The following STXBP6 variants were observed in gnomAD, a reference collection of about 807,000 sequenced individuals.
STXBP6 encodes the protein syntaxin-binding protein 6.
Under a neutral mutation model 26.9 loss-of-function variants are expected in STXBP6, and 21 were observed. The observed-to-expected ratio is 0.78, with a 90% confidence interval of 0.55 to 1.12. The LOEUF (loss-of-function observed/expected upper bound fraction) is 1.12, where lower values mean the gene tolerates loss of function less well. Ranked by LOEUF, STXBP6 falls within the 50% of genes most tolerant of loss-of-function variation. The pLI is 0.00. For synonymous variants in STXBP6, 97 were observed against 92.6 expected (o/e 1.05, Z -0.27); for missense variants, 232 against 257.9 (o/e 0.90, Z 0.69).
intron 4 of STXBP6, among the ~76,000 whole-genome samples, chr14:24,836,469 G>A (rs191860294): frequency 0.012 from 1,895 of 151,670 alleles, 17 homozygotes; most frequent in Non-Finnish European, 0.02. Flanking sequence ...GTGGTGGCGG[G>A]TGCCTGTAAT....
chr14:24,933,170 G>A (rs978174531), intron 2 of STXBP6, among the ~76,000 whole-genome samples: 17 of 152,072 alleles, frequency 1.1e-4, no homozygotes, highest in Non-Finnish European at 1.9e-4. Flanking sequence ...GTGACACCCT[G>A]TCCCTATAAA....
chr14:24,850,848 C>T (rs896357994), intron 4 of STXBP6, among the ~76,000 whole-genome samples: 1 of 152,032 alleles, frequency 6.6e-6, no homozygotes, highest in Non-Finnish European at 1.5e-5. Flanking sequence ...CTAGGGTATT[C>T]GGGCTCAGAG....
chr14:24,995,145 CA>C (rs1163094729), intron 1 of STXBP6, among the ~76,000 whole-genome samples: 1 of 152,072 alleles, frequency 6.6e-6, no homozygotes, highest in Non-Finnish European at 1.5e-5. Flanking sequence ...TGCTGTCTGA[CA>C]AAGACCCATT....
chr14:24,824,378 C>G (rs2068223975), intron 4 of STXBP6, among the ~76,000 whole-genome samples: 1 of 152,142 alleles, frequency 6.6e-6, no homozygotes, highest in Admixed American at 6.6e-5. Flanking sequence ...AGTACTGTGA[C>G]TGTCACTAAA....
intron 2 of STXBP6, among the ~76,000 whole-genome samples, chr14:24,873,469 A>G (rs540818969): frequency 2.9e-4 from 44 of 152,210 alleles, no homozygotes; most frequent in Non-Finnish European, 5.4e-4. Context: ...TCACTCTCTC[A>G]TGTGTCCCAA....
chr14:24,906,616 T>C lies in STXBP6; in HGVS notation c.155-49459A>G, dbSNP rs530304072. 4.6e-5 allele frequency among the ~76,000 whole-genome samples: 7 copies of C among 152,328 alleles called. No individual in the cohort carries two copies. In the South Asian group the frequency reaches 1.2e-3, roughly 27 times the overall value. On this transcript the variant is annotated intron_variant, in intron 2 of 5. Transcript: ENST00000323944. ...TTTGTTATGAAATCTAACCTGAGAATGCGACATGCATAACAAATTTTCATT... is the reference window on the plus strand; with the variant it reads ...TTTGTTATGAAATCTAACCTGAGAACGCGACATGCATAACAAATTTTCATT...
intron 1 of STXBP6, among the ~76,000 whole-genome samples, chr14:25,032,006 G>T (rs1438649539): frequency 6.6e-6 from 1 of 152,054 alleles, no homozygotes; most frequent in Non-Finnish European, 1.5e-5. Flanking sequence ...AAATACAGAA[G>T]AAATATGGTG....
intron 4 of STXBP6, among the ~76,000 whole-genome samples, chr14:24,842,739 G>A (rs1356013962): frequency 6.6e-6 from 1 of 151,152 alleles, no homozygotes; most frequent in African/African-American, 2.4e-5. Context: ...CTCACTACCT[G>A]AAATTAGATA....
intron 2 of STXBP6, among the ~76,000 whole-genome samples, chr14:24,926,337 A>T (rs529522356): frequency 1.5e-5 from 2 of 133,470 alleles, no homozygotes; most frequent in South Asian, 5.1e-4. Context: ...ACTTTCTGAA[A>T]CCGCTTTTCC....
At chr14:24,985,017 G>A (rs1266388707) in intron 1 of STXBP6, among the ~76,000 whole-genome samples, 1 of 152,146 alleles carries the variant, frequency 6.6e-6, no homozygotes. Flanking sequence ...TTTTGCCTCT[G>A]GCCACATTTT....
chr14:24,867,058 G>T (rs2069749220), intron 2 of STXBP6, among the ~76,000 whole-genome samples: 2 of 152,092 alleles, frequency 1.3e-5, no homozygotes. Flanking sequence ...CAAAATTCAT[G>T]TTAAAACTTA....
At chr14:24,983,102 T>C (rs1452500957) in intron 1 of STXBP6, among the ~76,000 whole-genome samples, 4 of 152,148 alleles carry the variant, frequency 2.6e-5, no homozygotes, top group Admixed American at 2.0e-4. Flanking sequence ...TAAAGAATCA[T>C]AGTGAAGGCC....
At chr14:24,839,982 C>T (rs1343760811) in intron 4 of STXBP6, among the ~76,000 whole-genome samples, 2 of 152,182 alleles carry the variant, frequency 1.3e-5, no homozygotes, top group African/African-American at 2.4e-5. Context: ...TTACTGACTC[C>T]TTATCATGTG....
chr14:25,013,267 T>C (rs1295841343), intron 1 of STXBP6, among the ~76,000 whole-genome samples: 1 of 152,148 alleles, frequency 6.6e-6, no homozygotes, highest in African/African-American at 2.4e-5. Context: ...ATGGAAAGAA[T>C]CGAACATTTT....
intron 2 of STXBP6, among the ~76,000 whole-genome samples, chr14:24,940,563 G>C (rs1272941102): frequency 6.6e-6 from 1 of 152,170 alleles, no homozygotes; most frequent in Non-Finnish European, 1.5e-5. Flanking sequence ...GCTGACTGCA[G>C]ACTGATAAGA....
intron 1 of STXBP6, among the ~76,000 whole-genome samples, chr14:24,982,882 T>C (rs1395355799): frequency 6.6e-6 from 1 of 152,218 alleles, no homozygotes; most frequent in Non-Finnish European, 1.5e-5. Flanking sequence ...ACAAATGATA[T>C]GACAAAGCCA....
chr14:24,983,752 T>C (rs2074258367), intron 1 of STXBP6, among the ~76,000 whole-genome samples: 1 of 152,210 alleles, frequency 6.6e-6, no homozygotes, highest in Non-Finnish European at 1.5e-5. Flanking sequence ...AAGCTTTAGG[T>C]AAATTTTAAG....
chr14:25,018,448 G>A (rs922689297), intron 1 of STXBP6, among the ~76,000 whole-genome samples: 1 of 152,110 alleles, frequency 6.6e-6, no homozygotes, highest in Admixed American at 6.5e-5. Flanking sequence ...CATCTGAGAG[G>A]GGTAATATAA....
intron 2 of STXBP6, among the ~76,000 whole-genome samples, chr14:24,884,586 T>C (rs1241638): frequency 0.54 from 81,470 of 151,638 alleles, 22,860 homozygotes; most frequent in African/African-American, 0.7. Context: ...ATGGGCGGCA[T>C]GCGCTGACAT....
Sources: gnomAD v4.1 joint callset for allele counts (sites outside exome capture counted in the v4.1 genomes callset) on GRCh38, gnomAD v4.1.1 for gene constraint, MANE v1.5 for transcripts, NCBI Gene and HGNC (gene_info 2026-07-23, HGNC 2026-07-21) for gene names.